The following BTBD7 variants were observed in gnomAD, a reference collection of about 807,000 sequenced individuals.
The protein encoded by BTBD7 is BTB/POZ domain-containing protein 7.
A neutral mutation model predicts 99.9 loss-of-function variants in BTBD7; 38 were observed. The observed-to-expected ratio is 0.38, with a 90% CI of 0.29 to 0.50. BTBD7 has a LOEUF of 0.50. Among genes scored for constraint, BTBD7 ranks in the 20% least tolerant of loss-of-function variants. The probability of loss-of-function intolerance (pLI) is 0.93; values close to 1 mark genes in which losing one functional copy is unlikely to be tolerated. For missense variants in BTBD7, 1,170 were observed against 1,394.6 expected (o/e 0.84, Z 2.57); for synonymous variants, 520 against 511.4 (o/e 1.02, Z -0.23).
chr14:93,288,213 T>G (rs1259978150), intron 3 of BTBD7: 3 of 335,214 alleles, frequency 8.9e-6, no homozygotes, highest in African/African-American at 6.4e-5. Context: ...GAAATATTTC[T>G]TATATTACTC....
At position 93,287,237 on chromosome 14, in the gene BTBD7, A is replaced by G. The variant is rs138098108; in HGVS notation, c.1162+6621T>C. ...GAGCGAGACTCTGTCTCAAAAAAAA[A>G]AAAAGTTAACCTTGTAATCAAAGTA... On this transcript the variant is annotated intron_variant, in intron 3 of 10. Coordinates refer to ENST00000334746, the MANE Select transcript of BTBD7 (RefSeq NM_001002860.4). 4.5e-3 allele frequency among the ~76,000 whole-genome samples: 681 copies of G among 152,048 alleles called. 26 individuals are homozygous for G. The East Asian group carries it at 0.079, about 18-fold the overall frequency.
At chr14:93,305,424 C>T (rs959726930) in intron 1 of BTBD7, among the ~76,000 whole-genome samples, 4 of 152,170 alleles carry the variant, frequency 2.6e-5, no homozygotes, top group African/African-American at 9.7e-5. Flanking sequence ...GTTTTGAGAA[C>T]GTTTAGCTAT....
At chr14:93,264,135 A>T in intron 3 of BTBD7, 142 bp from the exon 4 acceptor site, 1 of 723,090 alleles carries the variant, frequency 1.4e-6, no homozygotes, top group Non-Finnish European at 2.2e-6. Flanking sequence ...AATCACCAAG[A>T]CTTGGTGGGA....
chr14:93,251,400 C>T (rs1016196965), intron 8 of BTBD7, 63 bp downstream of exon 8: 18 of 1,478,918 alleles, frequency 1.2e-5, no homozygotes, highest in African/African-American at 1.4e-5. Flanking sequence ...GCTCAAACAT[C>T]AGCAATTTCA....
At chr14:93,309,171 G>A (rs2053107806) in intron 1 of BTBD7, among the ~76,000 whole-genome samples, 1 of 151,966 alleles carries the variant, frequency 6.6e-6, no homozygotes, top group African/African-American at 2.4e-5. Flanking sequence ...GTTTACCAAG[G>A]GCTTTTTCAT....
intron 3 of BTBD7, among the ~76,000 whole-genome samples, chr14:93,286,136 G>C (rs193223664): frequency 6.6e-6 from 1 of 152,258 alleles, no homozygotes; most frequent in African/African-American, 2.4e-5. Flanking sequence ...GCCCCACTCT[G>C]CTTCCAGAAA....
At chr14:93,278,160 C>T (rs776253549) in intron 3 of BTBD7, among the ~76,000 whole-genome samples, 17 of 151,572 alleles carry the variant, frequency 1.1e-4, no homozygotes, top group Non-Finnish European at 2.5e-4. Context: ...CGCCTCTAAT[C>T]CCAGCACTTT....
intron 3 of BTBD7, among the ~76,000 whole-genome samples, chr14:93,278,138 C>T (rs916334923): frequency 1.3e-5 from 2 of 152,160 alleles, no homozygotes; most frequent in African/African-American, 4.8e-5. Flanking sequence ...TTCAGCCAGG[C>T]GTGGTGGCTC....
intron 3 of BTBD7, among the ~76,000 whole-genome samples, chr14:93,280,429 A>G (rs1188366741): frequency 1.3e-5 from 2 of 150,808 alleles, no homozygotes; most frequent in Non-Finnish European, 3.0e-5. Context: ...TTATGGTTGA[A>G]GATGAATATC....
rs370370251 is a variant in BTBD7, at chr14:93,243,049, C to T, written c.2623G>A (p.Ala875Thr). 51 of 1,613,724 alleles carry T rather than the reference C, an allele frequency of 3.2e-5. No individual in the cohort carries two copies. Among genetic ancestry groups the T allele is most frequent in the Non-Finnish European group, 4.2e-5 (49 of 1,179,976 alleles). The change falls in exon 11 of 11, where the codon GCG becomes ACG. Residue 875 changes from alanine (A) to threonine (T), a missense_variant. By Grantham distance (58) the Ala-to-Thr change is moderately conservative. Coordinates refer to ENST00000334746, the MANE Select transcript of BTBD7 (RefSeq NM_001002860.4). ...PVLNDLMPDI[A>T]VGVSTLSLKD... ...AGTGACAGTGTGGACACACCCACCG[C>T]GATGTCTGGCATCAGATCATTCAGC... is the stretch of plus-strand genomic sequence containing the variant.
At position 93,294,005 on chromosome 14, in the gene BTBD7, G is replaced by A; in HGVS notation, c.1015C>T (p.Leu339Phe). The stretch of plus-strand genomic sequence containing the variant: ...GAGGGGCTACAGTGCAAAACAGAGA[G>A]GTCCACCACGTCGGTATACATACAG... ...LHCMYTDVVD[L>F]SVLHCSPSVG... The change falls in exon 3 of 11, where the codon CTC becomes TTC. Residue 339 changes from leucine (L) to phenylalanine (F), a missense_variant. By Grantham distance (22) the Leu-to-Phe change is conservative. Coordinates refer to ENST00000334746, the MANE Select transcript of BTBD7 (RefSeq NM_001002860.4). 1 of 1,613,884 alleles carries A rather than the reference G, an allele frequency of 6.2e-7. No homozygotes were observed. Among genetic ancestry groups the A allele is most frequent in the Non-Finnish European group, 8.5e-7 (1 of 1,179,876 alleles).
At chr14:93,247,473 G>A (rs531822204) in intron 9 of BTBD7, among the ~76,000 whole-genome samples, 1 of 152,206 alleles carries the variant, frequency 6.6e-6, no homozygotes, top group Admixed American at 6.5e-5. Flanking sequence ...TCAGCCTCCC[G>A]AGGCTGGGAC....
At chr14:93,244,131 C>G in intron 10 of BTBD7, 1 of 483,248 alleles carries the variant, frequency 2.1e-6, no homozygotes, top group Non-Finnish European at 4.1e-6. Flanking sequence ...AGCAGCATGA[C>G]AGGAAGCAGA....
Position 93,242,241 on chromosome 14 carries a change from C to T in BTBD7, c.*32G>A. Reference sequence around the variant, plus strand: ...TTACATCATAAAATGGGATGTTTCACATCTCAGGCACAGACGACTTGGAGG... The same window carrying T: ...TTACATCATAAAATGGGATGTTTCATATCTCAGGCACAGACGACTTGGAGG... On this transcript the variant is annotated 3_prime_UTR_variant, in exon 11 of 11. Transcript: ENST00000334746. 6.3e-7 allele frequency: 1 copy of T among 1,586,248 alleles called. No individual in the cohort carries two copies. Among genetic ancestry groups the T allele is most frequent in the Non-Finnish European group, 8.6e-7 (1 of 1,160,554 alleles).
In BTBD7 at chr14:93,242,883, T is replaced by C; in HGVS notation, c.2789A>G (p.Glu930Gly). The change falls in exon 11 of 11, where the codon GAG becomes GGG. Residue 930 changes from glutamate to glycine, a missense_variant. Glu to Gly is a moderately conservative substitution (Grantham distance 98, BLOSUM62 -2). Coordinates refer to ENST00000334746, the MANE Select transcript of BTBD7 (RefSeq NM_001002860.4). ...ATTTTCTCTGGTGTCTGTTTTTTGCTCTAGTGTGTGTTTTTTCCGAGAAGT... is the reference window on the plus strand; with the variant it reads ...ATTTTCTCTGGTGTCTGTTTTTTGCCCTAGTGTGTGTTTTTTCCGAGAAGT... Reference protein sequence around the residue: ...THTSRKKHTLEQKTDTRENPQ... With the variant: ...THTSRKKHTLGQKTDTRENPQ... 6.2e-7 allele frequency: 1 copy of C among 1,614,086 alleles called. No homozygotes were observed. Among genetic ancestry groups the C allele is most frequent in the Non-Finnish European group, 8.5e-7 (1 of 1,180,012 alleles).
At chr14:93,291,906 G>A (rs1405974044) in intron 3 of BTBD7, among the ~76,000 whole-genome samples, 1 of 152,164 alleles carries the variant, frequency 6.6e-6, no homozygotes, top group Non-Finnish European at 1.5e-5. Flanking sequence ...AAAAAAACCT[G>A]CAAGGTGCGG....
intron 3 of BTBD7, among the ~76,000 whole-genome samples, chr14:93,289,436 G>A (rs35015760): frequency 1.3e-5 from 2 of 152,076 alleles, no homozygotes; most frequent in Non-Finnish European, 2.9e-5. Flanking sequence ...CCTGAGCCAC[G>A]CCAGAGCTCT....
In BTBD7 at chr14:93,266,250, T is replaced by C. The variant is rs573201466; in HGVS notation, c.1163-2257A>G. On this transcript the variant is annotated intron_variant, in intron 3 of 10. Transcript: ENST00000334746. ...ATCTCAGGCTTTTCAGGTACGAGCATTGAGCCGTAATCAAAGGACTCATGT... is the reference window on the plus strand; with the variant it reads ...ATCTCAGGCTTTTCAGGTACGAGCACTGAGCCGTAATCAAAGGACTCATGT... 1.3e-4 allele frequency among the ~76,000 whole-genome samples: 20 copies of C among 152,122 alleles called. 1 individual carries two copies. In the South Asian group the frequency reaches 3.5e-3, roughly 27 times the overall value.
chr14:93,277,891 G>C (rs1201039006), intron 3 of BTBD7, among the ~76,000 whole-genome samples: 2 of 152,094 alleles, frequency 1.3e-5, no homozygotes, highest in Non-Finnish European at 2.9e-5. Flanking sequence ...ATAATTTCCT[G>C]TCACAGGTTT....
Sources: allele counts gnomAD v4.1 joint callset (sites outside exome capture counted in the v4.1 genomes callset), GRCh38; gene constraint gnomAD v4.1.1; transcripts MANE v1.5; gene names NCBI Gene and HGNC (gene_info 2026-07-23, HGNC 2026-07-21).